The following ARHGAP19 variants were observed in gnomAD, a reference collection of about 807,000 sequenced individuals.
ARHGAP19 encodes rho GTPase-activating protein 19.
ARHGAP19 carries 48 observed loss-of-function variants against 60.9 expected under a neutral mutation model. The observed-to-expected ratio is 0.79, with a 90% confidence interval of 0.62 to 1.00. The LOEUF is 1.00. ARHGAP19 is among the 50% of genes least tolerant of loss of function. The pLI is 0.00. For missense variants in ARHGAP19, 562 were observed against 597.2 expected (o/e 0.94, Z 0.61); for synonymous variants, 209 against 215.5 (o/e 0.97, Z 0.27).
At position 97,264,922 on chromosome 10, in the gene ARHGAP19, A is replaced by G. The variant is rs748709474; in HGVS notation, c.323-16T>C. 1.3e-6 allele frequency: 2 copies of G among 1,585,708 alleles called. No individual in the cohort carries two copies. The highest frequency in any genetic ancestry group is 1.1e-5 in the South Asian group (1 of 90,420). On this transcript the variant is annotated splice_polypyrimidine_tract_variant and intron_variant, in intron 2 of 11. Transcript: ENST00000358531. ...ACTCCTTTTTCTGAAAAACCATATGATATGACAGGGCTATATTTCACACAA... is the reference window on the plus strand; with the variant it reads ...ACTCCTTTTTCTGAAAAACCATATGGTATGACAGGGCTATATTTCACACAA...
intron 8 of ARHGAP19, among the ~76,000 whole-genome samples, chr10:97,240,798 A>G (rs1467066844): frequency 6.6e-6 from 1 of 152,246 alleles, no homozygotes; most frequent in Non-Finnish European, 1.5e-5. Context: ...TAAGGGCTCA[A>G]ATATGATCTT....
chr10:97,246,354 A>G lies in ARHGAP19; in HGVS notation c.928-17T>C. The G allele has an allele frequency of 6.2e-7, 1 of 1,604,350 alleles. No individual in the cohort carries two copies. Among genetic ancestry groups the G allele is most frequent in the Non-Finnish European group, 8.5e-7 (1 of 1,171,534 alleles). ...AGCAGGAGCCTGGGCAGGACATAAA[A>G]GAAAACCAAAACCCAGTGATTAGTA... is the stretch of plus-strand genomic sequence containing the variant. On this transcript the variant is annotated splice_polypyrimidine_tract_variant and intron_variant, in intron 6 of 11. Transcript: ENST00000358531.
At chr10:97,226,579 T>C (rs1231851160) in intron 11 of ARHGAP19, among the ~76,000 whole-genome samples, 6 of 152,100 alleles carry the variant, frequency 3.9e-5, no homozygotes, top group African/African-American at 1.4e-4. Context: ...CAACACTCAA[T>C]GTTTACTAAA....
chr10:97,235,892 G>C (rs1311462030), intron 8 of ARHGAP19, among the ~76,000 whole-genome samples: 2 of 152,072 alleles, frequency 1.3e-5, no homozygotes, highest in Admixed American at 1.3e-4. Flanking sequence ...TCAATGCTTT[G>C]ATTAGCCATT....
intron 8 of ARHGAP19, among the ~76,000 whole-genome samples, chr10:97,240,630 G>C (rs537336275): frequency 1.3e-5 from 2 of 152,306 alleles, no homozygotes; most frequent in South Asian, 2.1e-4. Context: ...CAGCCTAGGC[G>C]ACAGAGCAGA....
In ARHGAP19 at chr10:97,245,595, CAAAA is replaced by C. The variant is rs397845381; in HGVS notation, c.993+673_993+676del. On this transcript the variant is annotated intron_variant, in intron 7 of 11. Coordinates refer to ENST00000358531, the MANE Select transcript of ARHGAP19 (RefSeq NM_032900.6). ...TACCCAACAGAGCGAAACCCTATCT[CAAAA>C]AAAAAAAAAAAAAAAAAATCATCAT... 5.2e-3 allele frequency among the ~76,000 whole-genome samples: 585 copies of C among 112,306 alleles called. 5 individuals carry two copies. Among genetic ancestry groups the C allele is most frequent in the African/African-American group, 0.018 (523 of 28,348 alleles). The allele number at this position is 112,306 out of a possible 152,430, so 73.7% of individuals were successfully genotyped here. A position where few individuals can be genotyped will look rare whatever the true frequency, so the allele number is the denominator to read the frequency against.
chr10:97,274,466 A>G (rs935588633), intron 1 of ARHGAP19, among the ~76,000 whole-genome samples: 9 of 135,246 alleles, frequency 6.7e-5, no homozygotes, highest in Non-Finnish European at 1.4e-4. Flanking sequence ...CTCCATCTTA[A>G]AAAAAAAAAA....
intron 6 of ARHGAP19, among the ~76,000 whole-genome samples, chr10:97,255,418 A>T (rs1355497375): frequency 6.6e-6 from 1 of 152,186 alleles, no homozygotes; most frequent in African/African-American, 2.4e-5. Flanking sequence ...CTACAAAAAA[A>T]TACAAAAAAT....
rs1851106622 is a variant in ARHGAP19, at chr10:97,235,203, C to T, written c.1284+14G>A. ...TAAAAATCAATGCTGAAAACGACAG[C>T]CCAGCATACCTACCTTAATAAGCCC... On this transcript the variant is annotated intron_variant, in intron 9 of 11. Transcript: ENST00000358531. 2 of 1,588,636 alleles carry T rather than the reference C, an allele frequency of 1.3e-6. No individual in the cohort carries two copies. The highest frequency in any genetic ancestry group is 1.4e-5 in the African/African-American group (1 of 74,058).
intron 1 of ARHGAP19, among the ~76,000 whole-genome samples, chr10:97,287,801 G>A (rs1005178608): frequency 7.2e-5 from 11 of 151,956 alleles, no homozygotes; most frequent in Non-Finnish European, 1.0e-4. Context: ...GGTGGCTCAC[G>A]CCTGTAATCC....
At chr10:97,282,951 T>G (rs1254968249) in intron 1 of ARHGAP19, among the ~76,000 whole-genome samples, 1 of 149,444 alleles carries the variant, frequency 6.7e-6, no homozygotes, top group Non-Finnish European at 1.5e-5. Flanking sequence ...CAAGCGATTC[T>G]CCTGCCCCAG....
At position 97,226,021 on chromosome 10, in the gene ARHGAP19, A is replaced by T; in HGVS notation, c.*101T>A. The T allele has an allele frequency of 7.5e-7, 1 of 1,327,340 alleles. No individual in the cohort carries two copies. Among genetic ancestry groups the T allele is most frequent in the Non-Finnish European group, 1.1e-6 (1 of 937,756 alleles). The allele number at this position is 1,327,340 out of a possible 1,614,324, so 82.2% of individuals were successfully genotyped here. A position where few individuals can be genotyped will look rare whatever the true frequency, so the allele number is the denominator to read the frequency against. On this transcript the variant is annotated 3_prime_UTR_variant, in exon 12 of 12. Coordinates refer to ENST00000358531, the MANE Select transcript of ARHGAP19 (RefSeq NM_032900.6). The stretch of plus-strand genomic sequence containing the variant: ...AGTTGGCTTTGACAATTCAAAATGC[A>T]GCAAGCAAGCTGCAAGTCCAAGCTT...
intron 8 of ARHGAP19, among the ~76,000 whole-genome samples, chr10:97,239,896 G>A (rs1387072778): frequency 2.0e-5 from 3 of 151,596 alleles, no homozygotes; most frequent in East Asian, 2.0e-4. Context: ...TAGTAGAGAC[G>A]GGGTTTCTCC....
chr10:97,272,620 T>G (rs1049705192), intron 1 of ARHGAP19, among the ~76,000 whole-genome samples: 4 of 152,184 alleles, frequency 2.6e-5, no homozygotes. Context: ...TTAATTTTGT[T>G]AAGTTGTAGA....
At chr10:97,262,221 CACTA>C (rs1242429745) in intron 4 of ARHGAP19, among the ~76,000 whole-genome samples, 1 of 147,366 alleles carries the variant, frequency 6.8e-6, no homozygotes, top group African/African-American at 2.5e-5. Context: ...AAATCAGTAA[CACTA>C]ACCAGTGTTA....
rs71007323 is a variant in ARHGAP19, at chr10:97,236,803, GAA to G, written c.1186-1490_1186-1489del. Among the ~76,000 whole-genome samples the G allele has an allele frequency of 6.7e-3, 539 of 80,030 alleles. 1 individual carries two copies. The highest frequency in any genetic ancestry group is 0.023 in the African/African-American group (453 of 19,552). 52.5% of individuals were successfully genotyped at this position (80,030 alleles called of 152,430 possible). A position where few individuals can be genotyped will look rare whatever the true frequency, so the allele number is the denominator to read the frequency against. The stretch of plus-strand genomic sequence containing the variant: ...CACTCCAGCCTGGGCAACAGACTCA[GAA>G]AAAAAAAAAAAAAAAAAAAATACAC... On this transcript the variant is annotated intron_variant, in intron 8 of 11. Coordinates refer to ENST00000358531, the MANE Select transcript of ARHGAP19 (RefSeq NM_032900.6).
intron 8 of ARHGAP19, among the ~76,000 whole-genome samples, chr10:97,239,550 GGGTGT>G (rs1842439611): frequency 0.021 from 2,400 of 114,768 alleles, 30 homozygotes; most frequent in African/African-American, 0.055. Flanking sequence ...GAGAGAGAGA[GGGTGT>G]GTGTGTGTGT....
At chr10:97,281,219 CAAA>C (rs56674405) in intron 1 of ARHGAP19, among the ~76,000 whole-genome samples, 169 of 131,748 alleles carry the variant, frequency 1.3e-3, no homozygotes, top group African/African-American at 4.7e-3. Flanking sequence ...TCTGTCACTA[CAAA>C]AAAAAAAAAA....
chr10:97,226,311 T>C (rs1314501125), intron 11 of ARHGAP19, among the ~76,000 whole-genome samples, 179 bp from the exon 12 acceptor site: 2 of 152,216 alleles, frequency 1.3e-5, no homozygotes, highest in Admixed American at 6.5e-5. Context: ...ATCTCGTTCA[T>C]TAAATCATCT....
Sources: allele counts gnomAD v4.1 joint callset (sites outside exome capture counted in the v4.1 genomes callset), GRCh38; gene constraint gnomAD v4.1.1; transcripts MANE v1.5; gene names NCBI Gene and HGNC (gene_info 2026-07-23, HGNC 2026-07-21).